Variants in PCDHGB4 observed in about 807,000 individuals in gnomAD.
PCDHGB4 encodes protocadherin gamma-B4.
A neutral mutation model predicts 60.5 loss-of-function variants in PCDHGB4; 38 were observed. That is an observed-to-expected ratio of 0.63 (90% CI 0.48 to 0.82). PCDHGB4 has a LOEUF of 0.82. Ranked by LOEUF, PCDHGB4 falls within the 40% of genes least tolerant of loss-of-function variation. The pLI is 0.00. For missense variants in PCDHGB4, 1,109 were observed against 1,209.6 expected (o/e 0.92, Z 1.23); for synonymous variants, 456 against 509.7 (o/e 0.89, Z 1.42).
rs753202774 is a variant in PCDHGB4, at chr5:141,487,875, C to A, written c.2398-6932C>A. 33 of 828,628 alleles carry A rather than the reference C, an allele frequency of 4.0e-5. No individual in the cohort carries two copies. Among genetic ancestry groups the A allele is most frequent in the Non-Finnish European group, 5.8e-5 (31 of 536,030 alleles). The allele number at this position is 828,628 out of a possible 1,614,324, so 51.3% of individuals were successfully genotyped here. A position where few individuals can be genotyped will look rare whatever the true frequency, so the allele number is the denominator to read the frequency against. The stretch of plus-strand genomic sequence containing the variant: ...AAGTAATTGGTGATCAAGAGCCAGG[C>A]TGTTGTGGAAGCATGATGATGGAAT... On this transcript the variant is annotated intron_variant, in intron 1 of 3. Coordinates refer to ENST00000519479, the MANE Select transcript of PCDHGB4 (RefSeq NM_003736.4). The surrounding 1 kb of genome is among the most constrained non-coding windows in gnomAD (Gnocchi z 5.0).
chr5:141,491,291 C>A lies in PCDHGB4; in HGVS notation c.2398-3516C>A. The A allele has an allele frequency of 8.1e-6, 13 of 1,614,152 alleles. No individual in the cohort carries two copies. Among genetic ancestry groups the A allele is most frequent in the Non-Finnish European group, 1.1e-5 (13 of 1,179,974 alleles). On this transcript the variant is annotated intron_variant, in intron 1 of 3. Transcript: ENST00000519479. This position sits in a 1 kb window ranked among gnomAD's most constrained non-coding sequence, Gnocchi z 6.9. The stretch of plus-strand genomic sequence containing the variant: ...AAATCCAGTGACTTCCTCATACACC[C>A]TCCTGAGCGTTCAGACCTTACCCTT...
chr5:141,421,869 A>G lies in PCDHGB4; in HGVS notation c.2397+31588A>G, dbSNP rs200015978. 1.5e-5 allele frequency: 24 copies of G among 1,613,732 alleles called. No individual in the cohort carries two copies. The African/African-American group carries it at 3.1e-4, about 21-fold the overall frequency. ...AGGCTGCTCACCTGCTCCTCCTCAC[A>G]GCTTTAGATGGAGGCGATCCCATCC... On this transcript the variant is annotated intron_variant, in intron 1 of 3. Transcript: ENST00000519479.
chr5:141,398,915 A>G, intron 1 of PCDHGB4: 1 of 1,614,002 alleles, frequency 6.2e-7, no homozygotes, highest in Non-Finnish European at 8.5e-7. Context: ...ACTGTGTTGC[A>G]AGTGTCAGCC....
chr5:141,392,883 T>C, intron 1 of PCDHGB4: 1 of 1,613,518 alleles, frequency 6.2e-7, no homozygotes, highest in Non-Finnish European at 8.5e-7. Flanking sequence ...GGGAACGCTG[T>C]GGGAAATCGG....
At chr5:141,419,265 C>T in intron 1 of PCDHGB4, 1 of 1,614,040 alleles carries the variant, frequency 6.2e-7, no homozygotes, top group Non-Finnish European at 8.5e-7. Flanking sequence ...CAGCCGGGTG[C>T]CTCCATAGCG....
Position 141,407,403 on chromosome 5 carries a change from A to G in PCDHGB4, c.2397+17122A>G, listed in dbSNP as rs964260933. 2.0e-5 allele frequency among the ~76,000 whole-genome samples: 3 copies of G among 152,220 alleles called. No individual in the cohort carries two copies. In the East Asian group the frequency reaches 5.8e-4, roughly 29 times the overall value. Reference sequence around the variant, plus strand: ...TTGTATGTCATGGTAGGTAGTTACTATTCGATACCACAAAAATGTCTCTTG... The same window carrying G: ...TTGTATGTCATGGTAGGTAGTTACTGTTCGATACCACAAAAATGTCTCTTG... On this transcript the variant is annotated intron_variant, in intron 1 of 3. Transcript: ENST00000519479.
rs777325229 is a variant in PCDHGB4, at chr5:141,403,135, G to A, written c.2397+12854G>A. On this transcript the variant is annotated intron_variant, in intron 1 of 3. Transcript: ENST00000519479. ...CTCTGGAGCCCCGGGAGCTGGCGGA[G>A]CGCCGAGTCCGCATCGTCTCTAGAG... 8 of 1,613,948 alleles carry A rather than the reference G, an allele frequency of 5.0e-6. No homozygotes were observed. The African/African-American group carries it at 8.0e-5, about 16-fold the overall frequency.
chr5:141,498,994 AAGG>A (rs1310594976), intron 2 of PCDHGB4, among the ~76,000 whole-genome samples: 4 of 148,560 alleles, frequency 2.7e-5, no homozygotes, highest in Non-Finnish European at 4.5e-5. Flanking sequence ...GGAAGGAAGG[AAGG>A]AAGGAAGGAA....
intron 1 of PCDHGB4, chr5:141,394,033 G>C (rs1242755844): frequency 1.2e-6 from 2 of 1,613,422 alleles, no homozygotes; most frequent in Non-Finnish European, 1.7e-6. Context: ...TTAGTGACAA[G>C]GAAATATTTG....
At chr5:141,498,011 G>A (rs995865984) in intron 2 of PCDHGB4, among the ~76,000 whole-genome samples, 2 of 152,204 alleles carry the variant, frequency 1.3e-5, no homozygotes, top group Non-Finnish European at 2.9e-5. Flanking sequence ...ACAGTGCACT[G>A]AAGGAGACAA....
chr5:141,428,459 A>C, intron 1 of PCDHGB4: 2 of 350,154 alleles, frequency 5.7e-6, no homozygotes, highest in Non-Finnish European at 5.5e-6. Context: ...CCCAACTACA[A>C]TGAGGGAACT....
intron 1 of PCDHGB4, chr5:141,392,879 G>T: frequency 1.2e-6 from 2 of 1,613,512 alleles, no homozygotes; most frequent in East Asian, 2.2e-5. Flanking sequence ...TGCTGGGAAC[G>T]CTGTGGGAAA....
chr5:141,409,686 A>T, intron 1 of PCDHGB4: 3 of 1,613,350 alleles, frequency 1.9e-6, no homozygotes, highest in Non-Finnish European at 2.5e-6. Context: ...GTGGCGAGTG[A>T]CCTAGAGCCC....
intron 1 of PCDHGB4, chr5:141,398,946 C>A: frequency 6.2e-7 from 1 of 1,613,948 alleles, no homozygotes; most frequent in Non-Finnish European, 8.5e-7. Flanking sequence ...ACGAGGGCAT[C>A]AACTCAGAAA....
In PCDHGB4 at chr5:141,505,352, C is replaced by T. The variant is rs371829394; in HGVS notation, c.2457-41C>T. 1.5e-5 allele frequency: 25 copies of T among 1,613,302 alleles called. No individual in the cohort carries two copies. In the South Asian group the frequency reaches 2.7e-4, roughly 18 times the overall value. ...AGGACAGGAGGGGCATGAGCTGTGCCGGCCTGGGAGTCTGTGCTCACCATC... is the reference window on the plus strand; with the variant it reads ...AGGACAGGAGGGGCATGAGCTGTGCTGGCCTGGGAGTCTGTGCTCACCATC... On this transcript the variant is annotated intron_variant, in intron 2 of 3. Transcript: ENST00000519479.
Position 141,490,070 on chromosome 5 carries a change from T to C in PCDHGB4, c.2398-4737T>C, listed in dbSNP as rs2099695766. ...CCAGACGAGGGCACCAACGGCCAAC[T>C]AGACTATTCTTTTGGAGACCACACA... On this transcript the variant is annotated intron_variant, in intron 1 of 3. Transcript: ENST00000519479. The surrounding 1 kb of genome is among the most constrained non-coding windows in gnomAD (Gnocchi z 5.4). The C allele has an allele frequency of 6.2e-7, 1 of 1,614,198 alleles. No individual in the cohort carries two copies.
intron 1 of PCDHGB4, among the ~76,000 whole-genome samples, chr5:141,450,047 C>T (rs2098667027): frequency 2.2e-5 from 3 of 136,836 alleles, no homozygotes; most frequent in African/African-American, 8.5e-5. Flanking sequence ...CACTCTTTCG[C>T]CCAGGCTGGA....
Position 141,485,716 on chromosome 5 carries a change from T to C in PCDHGB4, c.2398-9091T>C. Reference sequence around the variant, plus strand: ...GCTCCAATGAACACTTTGCACTGGATGTGAAGAAGCGCAGCGACGGCAGCC... The same window carrying C: ...GCTCCAATGAACACTTTGCACTGGACGTGAAGAAGCGCAGCGACGGCAGCC... On this transcript the variant is annotated intron_variant, in intron 1 of 3. Coordinates refer to ENST00000519479, the MANE Select transcript of PCDHGB4 (RefSeq NM_003736.4). The surrounding 1 kb of genome is among the most constrained non-coding windows in gnomAD (Gnocchi z 5.7). The C allele has an allele frequency of 6.2e-7, 1 of 1,614,044 alleles. No individual in the cohort carries two copies. Among genetic ancestry groups the C allele is most frequent in the Non-Finnish European group, 8.5e-7 (1 of 1,180,002 alleles).
intron 1 of PCDHGB4, among the ~76,000 whole-genome samples, chr5:141,445,441 C>T (rs1201825256): frequency 6.6e-6 from 1 of 152,152 alleles, no homozygotes; most frequent in Admixed American, 6.6e-5. Context: ...GACCTATGGA[C>T]TAAGGATGCA....
Sources: allele counts gnomAD v4.1 joint callset (sites outside exome capture counted in the v4.1 genomes callset), GRCh38; gene constraint gnomAD v4.1.1; non-coding constraint Gnocchi (gnomAD v3.1); transcripts MANE v1.5; gene names NCBI Gene and HGNC (gene_info 2026-07-23, HGNC 2026-07-21).